Variants in PCDHGA2 observed in about 807,000 individuals in gnomAD.
The protein encoded by PCDHGA2 is protocadherin gamma-A2.
Under a neutral mutation model 59.2 loss-of-function variants are expected in PCDHGA2, and 40 were observed. The observed-to-expected ratio is 0.68, with a 90% CI of 0.52 to 0.88. The LOEUF (loss-of-function observed/expected upper bound fraction) is 0.88, where lower values mean the gene tolerates loss of function less well. Among genes scored for constraint, PCDHGA2 ranks in the 40% least tolerant of loss-of-function variants. The probability of loss-of-function intolerance (pLI) is 0.00; values close to 1 mark genes in which losing one functional copy is unlikely to be tolerated. For missense variants in PCDHGA2, 1,226 were observed against 1,204.0 expected (o/e 1.02, Z -0.27); for synonymous variants, 560 against 526.0 (o/e 1.06, Z -0.89).
chr5:141,504,949 G>A (rs1234166109), intron 2 of PCDHGA2, among the ~76,000 whole-genome samples: 5 of 152,098 alleles, frequency 3.3e-5, no homozygotes, highest in Non-Finnish European at 1.5e-5. Context: ...AATGCACTAT[G>A]TTCAATGCAT....
intron 1 of PCDHGA2, among the ~76,000 whole-genome samples, chr5:141,458,412 G>A (rs2098945236): frequency 6.6e-6 from 1 of 152,034 alleles, no homozygotes; most frequent in Non-Finnish European, 1.5e-5. Context: ...ACGGAGCGGG[G>A]GTTCCAAAGC....
At chr5:141,369,542 A>T (rs553503598) in intron 1 of PCDHGA2, among the ~76,000 whole-genome samples, 1 of 152,332 alleles carries the variant, frequency 6.6e-6, no homozygotes, top group South Asian at 2.1e-4. Context: ...TTTAATTAAA[A>T]GTAGACACTT....
At chr5:141,458,984 C>T (rs2098958355) in intron 1 of PCDHGA2, among the ~76,000 whole-genome samples, 1 of 152,204 alleles carries the variant, frequency 6.6e-6, no homozygotes, top group Non-Finnish European at 1.5e-5. Context: ...CCTCCTGCCT[C>T]ACCCTCCCAA....
At chr5:141,504,991 G>A (rs896449285) in intron 2 of PCDHGA2, among the ~76,000 whole-genome samples, 44 of 152,034 alleles carry the variant, frequency 2.9e-4, no homozygotes, top group Admixed American at 2.6e-3. Context: ...GTGAAACCCC[G>A]TCTGTACTAA....
intron 1 of PCDHGA2, chr5:141,416,744 A>G (rs1480936949): frequency 2.0e-5 from 3 of 152,210 alleles, no homozygotes; most frequent in Non-Finnish European, 4.4e-5. Context: ...GAAAATAGTG[A>G]CGTATTAGGT....
chr5:141,351,144 G>A (rs898831176), intron 1 of PCDHGA2: 3 of 1,614,014 alleles, frequency 1.9e-6, no homozygotes, highest in Non-Finnish European at 2.5e-6. Flanking sequence ...CCAAATACTG[G>A]CGACATCACA....
intron 1 of PCDHGA2, chr5:141,344,333 G>A (rs1757404389): frequency 6.2e-7 from 1 of 1,613,868 alleles, no homozygotes; most frequent in African/African-American, 1.3e-5. Context: ...CTCAGATCCC[G>A]CTGTGTCTGG....
chr5:141,408,230 C>G (rs1470965375), intron 1 of PCDHGA2: 1 of 1,566,168 alleles, frequency 6.4e-7, no homozygotes, highest in Non-Finnish European at 8.7e-7. Flanking sequence ...GCAGAGGCGC[C>G]GGGCCGGCCC....
Position 141,486,416 on chromosome 5 carries a change from C to G in PCDHGA2, c.2425-8391C>G. The G allele has an allele frequency of 4.3e-6, 7 of 1,614,152 alleles. No homozygotes were observed. The highest frequency in any genetic ancestry group is 5.9e-6 in the Non-Finnish European group (7 of 1,180,016). On this transcript the variant is annotated intron_variant, in intron 1 of 3. Coordinates refer to ENST00000394576, the MANE Select transcript of PCDHGA2 (RefSeq NM_018915.4). The surrounding 1 kb of genome is among the most constrained non-coding windows in gnomAD (Gnocchi z 5.0). Reference sequence around the variant, plus strand: ...CCTGGTGACTGCTGGACCCTTGGATCGAGAGGCCAAATCTAGCTATGACAT... The same window carrying G: ...CCTGGTGACTGCTGGACCCTTGGATGGAGAGGCCAAATCTAGCTATGACAT...
chr5:141,351,561 T>C (rs767147157), intron 1 of PCDHGA2: 1 of 1,614,004 alleles, frequency 6.2e-7, no homozygotes, highest in South Asian at 1.1e-5. Flanking sequence ...AGGACAAGCA[T>C]CACCCTGCAC....
Position 141,486,173 on chromosome 5 carries a change from T to C in PCDHGA2, c.2425-8634T>C. 1 of 1,614,220 alleles carries C rather than the reference T, an allele frequency of 6.2e-7. No homozygotes were observed. Among genetic ancestry groups the C allele is most frequent in the Non-Finnish European group, 8.5e-7 (1 of 1,180,042 alleles). ...GGGTTCTCCAGCCATGGAGCAACATTGCAGCCTTCGAGTGGATCTGCTGGA... is the reference window on the plus strand; with the variant it reads ...GGGTTCTCCAGCCATGGAGCAACATCGCAGCCTTCGAGTGGATCTGCTGGA... On this transcript the variant is annotated intron_variant, in intron 1 of 3. Transcript: ENST00000394576. The surrounding 1 kb of genome is among the most constrained non-coding windows in gnomAD (Gnocchi z 5.0).
chr5:141,372,493 C>G lies in PCDHGA2; in HGVS notation c.2424+31098C>G, dbSNP rs998007585. On this transcript the variant is annotated intron_variant, in intron 1 of 3. Transcript: ENST00000394576. ...CTAGTAGTGGCGTTGGCCTTGATCT[C>G]AGTGCTCTTCCTCCTCGCGGTGATT... is the stretch of plus-strand genomic sequence containing the variant. 5 of 1,614,058 alleles carry G rather than the reference C, an allele frequency of 3.1e-6. No individual in the cohort carries two copies. In the African/African-American group the frequency reaches 4.0e-5, roughly 13 times the overall value.
At chr5:141,433,995 C>G (rs995723859) in intron 1 of PCDHGA2, among the ~76,000 whole-genome samples, 1 of 152,028 alleles carries the variant, frequency 6.6e-6, no homozygotes, top group Non-Finnish European at 1.5e-5. Context: ...GTTTTATATT[C>G]TCTATATATG....
At chr5:141,505,977 G>A (rs944259753) in intron 3 of PCDHGA2, among the ~76,000 whole-genome samples, 1 of 152,150 alleles carries the variant, frequency 6.6e-6, no homozygotes, top group East Asian at 1.9e-4. Flanking sequence ...CCAGCCGAGA[G>A]AACACCTCCT....
chr5:141,419,018 AG>A (rs2096314197), intron 1 of PCDHGA2: 1 of 1,613,838 alleles, frequency 6.2e-7, no homozygotes, highest in African/African-American at 1.3e-5. Context: ...GTGTAGCTTA[AG>A]TAGAGGTGTT....
At chr5:141,428,540 C>T (rs1561836755) in intron 1 of PCDHGA2, 6 of 268,146 alleles carry the variant, frequency 2.2e-5, no homozygotes, top group South Asian at 8.6e-5. Context: ...CTCACCATGA[C>T]ACCAGAAACA....
At chr5:141,406,446 C>T (rs1292880739) in intron 1 of PCDHGA2, among the ~76,000 whole-genome samples, 1 of 152,200 alleles carries the variant, frequency 6.6e-6, no homozygotes, top group Non-Finnish European at 1.5e-5. Flanking sequence ...TCTTCCATTT[C>T]TATGACAGGA....
chr5:141,376,073 G>T, intron 1 of PCDHGA2: 6 of 1,613,508 alleles, frequency 3.7e-6, no homozygotes, highest in South Asian at 1.1e-5. Context: ...CACCGTGGCC[G>T]TGGCCGACAG....
intron 1 of PCDHGA2, among the ~76,000 whole-genome samples, chr5:141,354,267 C>T (rs1232000515): frequency 1.3e-5 from 2 of 152,070 alleles, no homozygotes; most frequent in Non-Finnish European, 1.5e-5. Flanking sequence ...TTAGGCTTTG[C>T]ATTTGAACTG....
Sources: gnomAD v4.1 joint callset for allele counts (sites outside exome capture counted in the v4.1 genomes callset) on GRCh38, gnomAD v4.1.1 for gene constraint, Gnocchi (gnomAD v3.1) non-coding constraint, MANE v1.5 for transcripts, NCBI Gene and HGNC (gene_info 2026-07-23, HGNC 2026-07-21) for gene names.